Variants in CALHM4 observed in about 807,000 individuals in gnomAD.
The protein encoded by CALHM4 is calcium homeostasis modulator protein 4.
In CALHM4, 16 loss-of-function variants were observed where a neutral mutation model predicts 13.3. The ratio of observed to expected loss-of-function variants is 1.20; its 90% CI spans 0.81 to 1.82. The LOEUF is 1.82. CALHM4 is among the 40% of genes most tolerant of loss of function. The pLI is 0.00. For missense variants in CALHM4, 344 were observed against 374.9 expected, an observed-to-expected ratio of 0.92 and a Z score of 0.68; for synonymous variants, 127 against 137.1, an observed-to-expected ratio of 0.93 and a Z score of 0.52.
At chr6:116,535,112 G>A (rs1373313812) in intron 1 of CALHM4, among the ~76,000 whole-genome samples, 1 of 152,202 alleles carries the variant, frequency 6.6e-6, no homozygotes, top group Non-Finnish European at 1.5e-5. Context: ...TGCTCTGCAG[G>A]AGGCTTTGGA....
intron 2 of CALHM4, chr6:116,545,327 G>T (rs1773715632): frequency 5.2e-6 from 3 of 572,256 alleles, no homozygotes; most frequent in African/African-American, 3.8e-5. Flanking sequence ...ATTATTCCTA[G>T]ATGTGTCATT....
At chr6:116,557,803 T>C in intron 1 of CALHM4, 22 bp from the exon 2 acceptor site, 1 of 1,598,236 alleles carries the variant, frequency 6.3e-7, no homozygotes, top group Non-Finnish European at 8.5e-7. Context: ...TTCCTGTTTT[T>C]CTTTTTAATA....
chr6:116,534,357 G>A (rs191729956), intron 1 of CALHM4, among the ~76,000 whole-genome samples: 3 of 152,132 alleles, frequency 2.0e-5, no homozygotes, highest in Non-Finnish European at 4.4e-5. Flanking sequence ...CCCTCATGCT[G>A]TCTCCATTCT....
chr6:116,557,959 CTT>C lies in CALHM4; in HGVS notation c.695_696del (p.Phe232Ter). The stretch of plus-strand genomic sequence containing the variant: ...GCCACCTCCAGAATGAGAGAGAACT[CTT>C]TGAACAAGCAGCAGAGCAGCACTCT... The part of the protein sequence containing the change: ...TSHLQNEREL[F>X]EQAAEQHSRL... On this transcript the variant is annotated frameshift_variant, in exon 2 of 2. Transcript: ENST00000368596. LOFTEE classifies it high-confidence loss of function. 3 of 1,614,160 alleles carry C rather than the reference CTT, an allele frequency of 1.9e-6. No homozygotes were observed. Among genetic ancestry groups the C allele is most frequent in the South Asian group, 1.1e-5 (1 of 91,068 alleles).
At chr6:116,543,785 A>G in exon 2 of CALHM4, 2 of 1,524,194 alleles carry the variant, frequency 1.3e-6, no homozygotes, top group Non-Finnish European at 1.8e-6. Context: ...GAATTGGATA[A>G]GACTTCTCAG....
upstream of CALHM4, among the ~76,000 whole-genome samples, chr6:116,551,404 A>T (rs999154404): frequency 6.6e-5 from 10 of 152,240 alleles, no homozygotes; most frequent in African/African-American, 2.2e-4. Flanking sequence ...ATTTTACATT[A>T]AAAGAATCAT....
At chr6:116,546,968 T>C (rs1773818564) in intron 2 of CALHM4, among the ~76,000 whole-genome samples, 1 of 152,194 alleles carries the variant, frequency 6.6e-6, no homozygotes, top group Non-Finnish European at 1.5e-5. Flanking sequence ...CTTCATCTCA[T>C]TTTAATTCAG....
intron 2 of CALHM4, among the ~76,000 whole-genome samples, chr6:116,545,033 T>C (rs1220921156): frequency 6.6e-6 from 1 of 151,878 alleles, no homozygotes; most frequent in Non-Finnish European, 1.5e-5. Flanking sequence ...CTAGGAAACA[T>C]TTTTAAAGGC....
chr6:116,553,668 C>G, upstream of CALHM4: 1 of 835,582 alleles, frequency 1.2e-6, no homozygotes, highest in Non-Finnish European at 1.8e-6. Flanking sequence ...ATCCTTTAAA[C>G]ATGTAAGGAT....
chr6:116,556,375 T>C (rs757379437), intron 1 of CALHM4, among the ~76,000 whole-genome samples: 69 of 152,222 alleles, frequency 4.5e-4, no homozygotes, highest in Non-Finnish European at 5.4e-4. Flanking sequence ...GAGTTCCCCA[T>C]AACCAAGCAC....
chr6:116,540,571 A>G, intron 1 of CALHM4: 24 of 1,084,456 alleles, frequency 2.2e-5, no homozygotes, highest in Non-Finnish European at 3.2e-5. Context: ...TGAATCACAA[A>G]TCAAACCAAA....
chr6:116,540,331 A>G (rs1185172237), intron 1 of CALHM4: 14 of 1,539,574 alleles, frequency 9.1e-6, no homozygotes, highest in Non-Finnish European at 1.2e-5. Flanking sequence ...AGATTTTTCA[A>G]AACATATTGA....
At chr6:116,546,517 G>C (rs542575865) in intron 2 of CALHM4, among the ~76,000 whole-genome samples, 3 of 152,168 alleles carry the variant, frequency 2.0e-5, no homozygotes, top group Admixed American at 6.5e-5. Flanking sequence ...ATACTTTGAC[G>C]AAAAGTGTGG....
At chr6:116,553,247 G>A (rs772913824), upstream of CALHM4, among the ~76,000 whole-genome samples, 6 of 152,178 alleles carry the variant, frequency 3.9e-5, no homozygotes, top group Non-Finnish European at 8.8e-5. Context: ...GGCTTTAGGG[G>A]CATCTAGCCT....
chr6:116,553,699 C>A, upstream of CALHM4: 1 of 1,123,552 alleles, frequency 8.9e-7, no homozygotes, highest in Non-Finnish European at 1.3e-6. Context: ...TTGACACAAC[C>A]AGTTAAACCA....
chr6:116,540,416 A>T, intron 1 of CALHM4: 1 of 1,551,406 alleles, frequency 6.4e-7, no homozygotes, highest in South Asian at 1.2e-5. Flanking sequence ...CCCACGCAGG[A>T]TCGAGCCAAA....
intron 1 of CALHM4, among the ~76,000 whole-genome samples, chr6:116,542,350 A>G (rs1400563371): frequency 6.6e-6 from 1 of 152,132 alleles, no homozygotes. Context: ...AAAAGAAAAA[A>G]ATATGCATAC....
intron 1 of CALHM4, among the ~76,000 whole-genome samples, chr6:116,557,616 G>A (rs1293167404): frequency 2.6e-5 from 4 of 152,274 alleles, no homozygotes; most frequent in Middle Eastern, 3.4e-3. Flanking sequence ...ACTCAAAAAC[G>A]AAGTTGAAAT....
At chr6:116,549,165 T>TA (rs1307842300), upstream of CALHM4, among the ~76,000 whole-genome samples, 1 of 152,124 alleles carries the variant, frequency 6.6e-6, no homozygotes, top group Admixed American at 6.5e-5. Flanking sequence ...AGGGCACCTG[T>TA]AATCCTAGCT....
Sources: gnomAD v4.1 joint callset for allele counts (sites outside exome capture counted in the v4.1 genomes callset) on GRCh38, gnomAD v4.1.1 for gene constraint, MANE v1.5 for transcripts, NCBI Gene and HGNC (gene_info 2026-07-23, HGNC 2026-07-21) for gene names.